ST3GAL5: variants seen among roughly 807,000 people sequenced by gnomAD.
The protein encoded by ST3GAL5 is ST3 beta-galactoside alpha-2,3-sialyltransferase 5.
In ST3GAL5, 25 loss-of-function variants were observed where a neutral mutation model predicts 46.1. That is an observed-to-expected ratio of 0.54 (90% CI 0.40 to 0.76). ST3GAL5 has a LOEUF of 0.76. ST3GAL5 is among the 30% of genes least tolerant of loss of function. ST3GAL5 has a pLI of 0.00. For synonymous variants in ST3GAL5, 182 were observed against 192.7 expected (o/e 0.94, Z 0.46); for missense variants, 431 against 521.2 (o/e 0.83, Z 1.69).
At chr2:85,862,881 C>G (rs1397470037) in intron 2 of ST3GAL5, among the ~76,000 whole-genome samples, 1 of 152,154 alleles carries the variant, frequency 6.6e-6, no homozygotes, top group African/African-American at 2.4e-5. Context: ...AAAAAAGACA[C>G]CTGCCAAGTT....
At chr2:85,871,177 T>C (rs906741903) in intron 1 of ST3GAL5, among the ~76,000 whole-genome samples, 1 of 151,982 alleles carries the variant, frequency 6.6e-6, no homozygotes, top group African/African-American at 2.4e-5. Context: ...GCTGGAACTA[T>C]AGGTGTGCAC....
chr2:85,887,560 ATC>A (rs1687890585), intron 1 of ST3GAL5: 1 of 152,214 alleles, frequency 6.6e-6, no homozygotes, highest in African/African-American at 2.4e-5. Flanking sequence ...GTTCGTATGA[ATC>A]TCTCCTTCTC....
chr2:85,867,586 A>G (rs1359444144), intron 1 of ST3GAL5: 6 of 780,876 alleles, frequency 7.7e-6, no homozygotes, highest in South Asian at 4.0e-5. Flanking sequence ...TCAGAAAGAA[A>G]CGTGTGATGG....
intron 5 of ST3GAL5, chr2:85,845,155 C>G (rs965459402): frequency 6.2e-6 from 1 of 162,188 alleles, no homozygotes; most frequent in African/African-American, 2.4e-5. Flanking sequence ...CACTCCTCGA[C>G]AGCTGACCTC....
intron 1 of ST3GAL5, among the ~76,000 whole-genome samples, chr2:85,886,527 T>C (rs756982086): frequency 1.3e-5 from 2 of 152,054 alleles, no homozygotes; most frequent in Non-Finnish European, 2.9e-5. Flanking sequence ...ACTTTCCTAG[T>C]ATCTATGCTA....
chr2:85,867,675 A>G, intron 1 of ST3GAL5: 1 of 780,722 alleles, frequency 1.3e-6, no homozygotes, highest in South Asian at 1.3e-5. Context: ...CCCCAGACTG[A>G]GGGTGTATAC....
chr2:85,848,036 CA>C lies in ST3GAL5; in HGVS notation c.486del (p.Phe162LeufsTer26), dbSNP rs1186961318. 1 of 1,613,920 alleles carries C rather than the reference CA, an allele frequency of 6.2e-7. No homozygotes were observed. Among genetic ancestry groups the C allele is most frequent in the Non-Finnish European group, 8.5e-7 (1 of 1,180,010 alleles). On this transcript the variant is annotated frameshift_variant, in exon 4 of 7. Coordinates refer to ENST00000638572, the MANE Select transcript of ST3GAL5 (RefSeq NM_003896.4). LOFTEE classifies it high-confidence loss of function. ...SEAESKYDPP[F>X]GFRKFSSKVQ... is the part of the protein sequence containing the mutation. ...ACTTTACTGGAGAACTTCCGGAACCCAAAAGGAGGATCGTACTTGGACTCAG... is the reference window on the plus strand; with the variant it reads ...ACTTTACTGGAGAACTTCCGGAACCCAAAGGAGGATCGTACTTGGACTCAG...
chr2:85,873,193 G>A (rs1209419982), intron 1 of ST3GAL5, among the ~76,000 whole-genome samples: 3 of 152,160 alleles, frequency 2.0e-5, no homozygotes, highest in Non-Finnish European at 4.4e-5. Context: ...TGACTGACAT[G>A]TTAAAGGCTG....
At chr2:85,851,586 C>T (rs1383799133) in intron 3 of ST3GAL5, 3 of 1,289,428 alleles carry the variant, frequency 2.3e-6, no homozygotes, top group East Asian at 5.6e-5. Context: ...GCTTGTCCCA[C>T]ATCTTTAAGT....
intron 2 of ST3GAL5, among the ~76,000 whole-genome samples, chr2:85,862,050 A>G (rs949206207): frequency 2.6e-5 from 4 of 152,128 alleles, no homozygotes; most frequent in Admixed American, 6.5e-5. Context: ...TTTTTCAAAA[A>G]AATTGCATCT....
At chr2:85,859,429 G>C (rs1000208593) in intron 3 of ST3GAL5, among the ~76,000 whole-genome samples, 2 of 152,204 alleles carry the variant, frequency 1.3e-5, no homozygotes, top group East Asian at 1.9e-4. Flanking sequence ...GCAAAGGACT[G>C]GGGGAGGTAT....
chr2:85,863,101 C>G (rs1684899150), intron 2 of ST3GAL5, among the ~76,000 whole-genome samples: 1 of 152,216 alleles, frequency 6.6e-6, no homozygotes, highest in African/African-American at 2.4e-5. Flanking sequence ...GAGAGCTGCT[C>G]TCCCAGGCAT....
intron 1 of ST3GAL5, among the ~76,000 whole-genome samples, chr2:85,878,066 T>C (rs902325511): frequency 6.6e-6 from 1 of 152,138 alleles, no homozygotes; most frequent in African/African-American, 2.4e-5. Context: ...CTCACACCAA[T>C]GCCTGATTTT....
At position 85,843,967 on chromosome 2, in the gene ST3GAL5, A is replaced by C. The variant is rs540095534; in HGVS notation, c.1008+429T>G. On this transcript the variant is annotated intron_variant, in intron 6 of 6. Transcript: ENST00000638572. ...TATCACCTACAAAGTGATGATAAAA[A>C]TCAATACTCACCTGAATGGCCCACA... Among the ~76,000 whole-genome samples the C allele has an allele frequency of 3.9e-5, 6 of 152,378 alleles. No homozygotes were observed. In the East Asian group the frequency reaches 9.6e-4, roughly 24 times the overall value.
At chr2:85,860,783 G>C (rs916152841) in intron 3 of ST3GAL5, 3 of 232,206 alleles carry the variant, frequency 1.3e-5, no homozygotes, top group Non-Finnish European at 2.6e-5. Context: ...TGAGGTGGCC[G>C]TGTTCTTGCC....
At chr2:85,850,729 C>T (rs1573607091) in intron 3 of ST3GAL5, 3 of 152,304 alleles carry the variant, frequency 2.0e-5, no homozygotes, top group Admixed American at 2.0e-4. Context: ...TGAGAAGTGG[C>T]AAGAGGGACC....
intron 6 of ST3GAL5, among the ~76,000 whole-genome samples, chr2:85,841,594 CAA>C (rs747357739): frequency 5.1e-4 from 78 of 152,324 alleles, no homozygotes; most frequent in South Asian, 1.2e-3. Context: ...CTTGGCTTCC[CAA>C]AGTGTTGGGA....
chr2:85,871,134 T>C (rs1685880921), intron 1 of ST3GAL5, among the ~76,000 whole-genome samples: 1 of 151,198 alleles, frequency 6.6e-6, no homozygotes, highest in Admixed American at 6.6e-5. Flanking sequence ...ACCTCCCGGC[T>C]CAAGCAATTT....
chr2:85,863,439 C>T lies in ST3GAL5; in HGVS notation c.129G>A (p.Ser43=), dbSNP rs776016166. Residue 43 remains serine, a synonymous_variant, in exon 2 of 7, where the codon TCG becomes TCA. Coordinates refer to ENST00000638572, the MANE Select transcript of ST3GAL5 (RefSeq NM_003896.4). The part of the protein sequence containing the change: ...YTYVKLRSDC[S]RPSLQWYTRA... ...GGGTGTACCATTGCAGGGAAGGCCT[C>T]GAGCAATCACTTCTCAGTTTCACAT... is the stretch of plus-strand genomic sequence containing the variant. The T allele has an allele frequency of 5.8e-5, 94 of 1,614,014 alleles. No homozygotes were observed. The highest frequency in any genetic ancestry group is 7.4e-5 in the Non-Finnish European group (87 of 1,180,032).
Sources: allele counts gnomAD v4.1 joint callset (sites outside exome capture counted in the v4.1 genomes callset), GRCh38; gene constraint gnomAD v4.1.1; transcripts MANE v1.5; gene names NCBI Gene and HGNC (gene_info 2026-07-23, HGNC 2026-07-21).